Variants in ZBTB16 observed in about 807,000 individuals in gnomAD.
The protein encoded by ZBTB16 is zinc finger and BTB domain-containing protein 16.
Under a neutral mutation model 56.8 loss-of-function variants are expected in ZBTB16, and 8 were observed. The ratio of observed to expected loss-of-function variants is 0.14; its 90% confidence interval spans 0.08 to 0.25. The LOEUF is 0.25. Among genes scored for constraint, ZBTB16 ranks in the 10% least tolerant of loss-of-function variants. The probability of loss-of-function intolerance (pLI) is 1.00; values close to 1 mark genes in which losing one functional copy is unlikely to be tolerated. For synonymous variants in ZBTB16, 363 were observed against 368.5 expected (o/e 0.98, Z 0.17); for missense variants, 625 against 903.0 (o/e 0.69, Z 3.95).
chr11:114,130,531 C>T (rs1207904463), intron 2 of ZBTB16, among the ~76,000 whole-genome samples: 4 of 152,196 alleles, frequency 2.6e-5, no homozygotes, highest in Non-Finnish European at 5.9e-5. Flanking sequence ...TGCGAGCACA[C>T]GCATCTACAA....
chr11:114,122,628 G>A (rs1018678023), intron 2 of ZBTB16, among the ~76,000 whole-genome samples: 1 of 152,142 alleles, frequency 6.6e-6, no homozygotes, highest in African/African-American at 2.4e-5. Flanking sequence ...AAACTTAGGT[G>A]GAATTCTCTC....
rs536869337 is a variant in ZBTB16, at chr11:114,251,685, A to G, written c.*1130A>G. 2.0e-5 allele frequency among the ~76,000 whole-genome samples: 3 copies of G among 152,336 alleles called. No homozygotes were observed. The highest frequency in any genetic ancestry group is 2.0e-4 in the Admixed American group (3 of 15,302). On this transcript the variant is annotated 3_prime_UTR_variant, in exon 7 of 7. Coordinates refer to ENST00000335953, the MANE Select transcript of ZBTB16 (RefSeq NM_006006.6). ...TGTAGTGAGCTCAGCAAGAAAAGCC[A>G]GGTCCAGAGAGAGTCGCACAGAATT...
At chr11:114,123,103 A>G (rs1429213639) in intron 2 of ZBTB16, among the ~76,000 whole-genome samples, 1 of 152,102 alleles carries the variant, frequency 6.6e-6, no homozygotes, top group Non-Finnish European at 1.5e-5. Flanking sequence ...TTACAAGGAC[A>G]CTATTCTGTC....
At chr11:114,131,879 T>C (rs534973403) in intron 2 of ZBTB16, among the ~76,000 whole-genome samples, 2 of 152,284 alleles carry the variant, frequency 1.3e-5, no homozygotes, top group Admixed American at 6.5e-5. Flanking sequence ...TGGTATGATA[T>C]ATGTATCTTG....
At chr11:114,173,769 T>C (rs1283545413) in intron 3 of ZBTB16, among the ~76,000 whole-genome samples, 1 of 152,234 alleles carries the variant, frequency 6.6e-6, no homozygotes, top group Non-Finnish European at 1.5e-5. Context: ...AAAGGACTTT[T>C]TGGTGAACTG....
intron 4 of ZBTB16, among the ~76,000 whole-genome samples, chr11:114,215,878 A>G (rs1050929119): frequency 1.3e-5 from 2 of 152,208 alleles, no homozygotes; most frequent in Non-Finnish European, 2.9e-5. Context: ...GGCTGTTCCC[A>G]TCTGCAATAG....
chr11:114,167,747 A>G (rs1942830089), intron 3 of ZBTB16, among the ~76,000 whole-genome samples: 1 of 151,912 alleles, frequency 6.6e-6, no homozygotes, highest in Non-Finnish European at 1.5e-5. Context: ...CAGCTAAATG[A>G]TTTTTTAAAA....
chr11:114,075,841 T>G (rs1431918395), intron 2 of ZBTB16, among the ~76,000 whole-genome samples: 1 of 152,036 alleles, frequency 6.6e-6, no homozygotes, highest in Non-Finnish European at 1.5e-5. Context: ...CCAAAAGTTT[T>G]CCCCCCATCA....
At chr11:114,199,165 G>A (rs934794306) in intron 4 of ZBTB16, among the ~76,000 whole-genome samples, 1 of 152,222 alleles carries the variant, frequency 6.6e-6, no homozygotes, top group Admixed American at 6.5e-5. Flanking sequence ...ACGGATGCTG[G>A]GCCCCGGGAC....
intron 2 of ZBTB16, among the ~76,000 whole-genome samples, chr11:114,139,736 C>G (rs550582057): frequency 6.6e-6 from 1 of 151,746 alleles, no homozygotes; most frequent in African/African-American, 2.4e-5. Flanking sequence ...AACTACGGAG[C>G]AAGACAGAGC....
intron 4 of ZBTB16, chr11:114,237,455 A>C (rs932280541): frequency 2.0e-5 from 3 of 152,188 alleles, no homozygotes; most frequent in African/African-American, 7.2e-5. Context: ...CCCTCTCCCC[A>C]GTGGTACCAG....
At chr11:114,228,216 A>G (rs186922222) in intron 4 of ZBTB16, among the ~76,000 whole-genome samples, 2 of 152,238 alleles carry the variant, frequency 1.3e-5, no homozygotes, top group African/African-American at 2.4e-5. Context: ...ATATAGAAAT[A>G]TGTGTGATTC....
chr11:114,165,309 C>T (rs2134989008), intron 3 of ZBTB16, among the ~76,000 whole-genome samples: 1 of 152,178 alleles, frequency 6.6e-6, no homozygotes, highest in Non-Finnish European at 1.5e-5. Context: ...CTGCTTTTCC[C>T]AGGTCCCTGG....
At chr11:114,091,115 G>A (rs1390310322) in intron 2 of ZBTB16, among the ~76,000 whole-genome samples, 1 of 152,148 alleles carries the variant, frequency 6.6e-6, no homozygotes, top group African/African-American at 2.4e-5. Context: ...TCGGGAGGCC[G>A]AGGTGGAAGG....
At chr11:114,082,824 G>A (rs945564813) in intron 2 of ZBTB16, among the ~76,000 whole-genome samples, 21 of 152,040 alleles carry the variant, frequency 1.4e-4, no homozygotes, top group African/African-American at 4.6e-4. Context: ...CTGGTCTGCC[G>A]GACTGTTACC....
intron 4 of ZBTB16, among the ~76,000 whole-genome samples, chr11:114,227,028 C>T (rs1367937273): frequency 6.6e-6 from 1 of 152,178 alleles, no homozygotes; most frequent in Non-Finnish European, 1.5e-5. Flanking sequence ...CATTGCTTGC[C>T]TATTCAGTAA....
chr11:114,083,437 C>G (rs1426577668), intron 2 of ZBTB16, among the ~76,000 whole-genome samples: 1 of 152,162 alleles, frequency 6.6e-6, no homozygotes, highest in Non-Finnish European at 1.5e-5. Context: ...GAGCCATGCC[C>G]ACTTGTCTCA....
chr11:114,215,169 A>G (rs535444660), intron 4 of ZBTB16, among the ~76,000 whole-genome samples: 16 of 152,314 alleles, frequency 1.1e-4, no homozygotes, highest in African/African-American at 3.8e-4. Context: ...AATTTTACGA[A>G]TGTTCCTTTA....
chr11:114,083,680 C>T (rs902502104), intron 2 of ZBTB16, among the ~76,000 whole-genome samples: 3 of 152,184 alleles, frequency 2.0e-5, no homozygotes, highest in South Asian at 2.1e-4. Flanking sequence ...GAGGCTCTCC[C>T]GTGTTCTGTA....
Sources: gnomAD v4.1 joint callset for allele counts (sites outside exome capture counted in the v4.1 genomes callset) on GRCh38, gnomAD v4.1.1 for gene constraint, MANE v1.5 for transcripts, NCBI Gene and HGNC (gene_info 2026-07-23, HGNC 2026-07-21) for gene names.